SEM1: variants seen among roughly 807,000 people sequenced by gnomAD.
SEM1 encodes the protein 26S proteasome complex subunit SEM1.
Under a neutral mutation model 12.7 loss-of-function variants are expected in SEM1, and 3 were observed. The ratio of observed to expected loss-of-function variants is 0.24; its 90% confidence interval spans 0.11 to 0.61. The LOEUF (loss-of-function observed/expected upper bound fraction) is 0.61, where lower values mean the gene tolerates loss of function less well. Among genes scored for constraint, SEM1 ranks in the 20% least tolerant of loss-of-function variants. The probability of loss-of-function intolerance (pLI) is 0.88; values close to 1 mark genes in which losing one functional copy is unlikely to be tolerated. For synonymous variants in SEM1, 30 were observed against 27.8 expected (o/e 1.08, Z -0.25); for missense variants, 59 against 81.3 (o/e 0.73, Z 1.06).
chr7:96,642,673 A>G (rs1390773778), intron 2 of SEM1, among the ~76,000 whole-genome samples: 2 of 151,910 alleles, frequency 1.3e-5, no homozygotes, highest in East Asian at 3.9e-4. Flanking sequence ...ATCTACTTGT[A>G]TATCTGATCC....
chr7:96,707,578 T>A (rs557452415), intron 1 of SEM1, among the ~76,000 whole-genome samples: 1 of 152,358 alleles, frequency 6.6e-6, no homozygotes, highest in African/African-American at 2.4e-5. Context: ...GTCAATTACT[T>A]AATGTTAATA....
intron 2 of SEM1, among the ~76,000 whole-genome samples, chr7:96,613,712 C>T (rs1269779247): frequency 6.6e-6 from 1 of 152,188 alleles, no homozygotes; most frequent in African/African-American, 2.4e-5. Context: ...TCCACTCCCA[C>T]CCAGCCTCTG....
In SEM1 at chr7:96,588,351, CAA is replaced by C. The variant is rs1250880976; in HGVS notation, c.171-81655_171-81654del. Among the ~76,000 whole-genome samples, 9 of 41,952 alleles carry C rather than the reference CAA, an allele frequency of 2.1e-4. 1 individual carries two copies. In the East Asian group the frequency reaches 6.9e-3, roughly 32 times the overall value. 27.5% of individuals were successfully genotyped at this position (41,952 alleles called of 152,430 possible). A position where few individuals can be genotyped will look rare whatever the true frequency, so the allele number is the denominator to read the frequency against. Reference sequence around the variant, plus strand: ...AACAGAGCAAGATCATGTCTAAAAACAAACACACACACACACACACACACACA... The same window carrying C: ...AACAGAGCAAGATCATGTCTAAAAACACACACACACACACACACACACACA... On this transcript the variant is annotated intron_variant and NMD_transcript_variant, in intron 2 of 3. Transcript: ENST00000466986.
intron 2 of SEM1, among the ~76,000 whole-genome samples, chr7:96,563,355 GA>G (rs1563061985): frequency 6.6e-6 from 1 of 151,786 alleles, no homozygotes; most frequent in African/African-American, 2.4e-5. Context: ...AGGTTTGGGG[GA>G]AAAAAAGGAG....
intron 2 of SEM1, among the ~76,000 whole-genome samples, chr7:96,561,990 C>T (rs1805702778): frequency 6.6e-6 from 1 of 152,188 alleles, no homozygotes; most frequent in South Asian, 2.1e-4. Flanking sequence ...AACTGTAGCA[C>T]AGAATAAGGA....
Position 96,661,909 on chromosome 7 carries a change from A to T in SEM1, c.170+32889T>A, listed in dbSNP as rs181930816. Among the ~76,000 whole-genome samples the T allele has an allele frequency of 7.9e-4, 117 of 148,408 alleles. 2 individuals are homozygous for T. In the East Asian group the frequency reaches 0.023, roughly 29 times the overall value. Reference sequence around the variant, plus strand: ...AGGCTGAGGCAGGAGAATGGCTTGAACCCGGGAGGTAGAGGTTGTGGTGAG... The same window carrying T: ...AGGCTGAGGCAGGAGAATGGCTTGATCCCGGGAGGTAGAGGTTGTGGTGAG... On this transcript the variant is annotated intron_variant, in intron 2 of 2. Transcript: ENST00000417009.
rs532491570 is a variant in SEM1, at chr7:96,691,994, C to T, written c.170+2804G>A. Among the ~76,000 whole-genome samples the T allele has an allele frequency of 9.1e-4, 139 of 152,206 alleles. 1 individual carries two copies. In the South Asian group the frequency reaches 0.018, roughly 19 times the overall value. On this transcript the variant is annotated intron_variant, in intron 2 of 2. Coordinates refer to ENST00000248566, the MANE Select transcript of SEM1 (RefSeq NM_006304.2). ...TAATGGAGGCATCAAGATTTATATA[C>T]CTCAGGCAAAAAACAACAACAGTGA... is the stretch of plus-strand genomic sequence containing the variant.
chr7:96,652,707 A>C (rs569244710), intron 2 of SEM1, among the ~76,000 whole-genome samples: 1 of 152,334 alleles, frequency 6.6e-6, no homozygotes, highest in Admixed American at 6.5e-5. Flanking sequence ...CAAAGAATGA[A>C]GTACAGTTTT....
At chr7:96,503,702 G>A (rs924852898) in intron 3 of SEM1, among the ~76,000 whole-genome samples, 2 of 152,090 alleles carry the variant, frequency 1.3e-5, no homozygotes, top group African/African-American at 4.8e-5. Context: ...TGAAGCATTA[G>A]AAAATTCCAG....
At chr7:96,646,668 G>A (rs909532623) in intron 2 of SEM1, among the ~76,000 whole-genome samples, 11 of 151,982 alleles carry the variant, frequency 7.2e-5, no homozygotes, top group African/African-American at 1.9e-4. Flanking sequence ...TCCCACCTCC[G>A]ACTGCCATCC....
At chr7:96,585,631 T>G (rs1323417905) in intron 2 of SEM1, among the ~76,000 whole-genome samples, 2 of 152,240 alleles carry the variant, frequency 1.3e-5, no homozygotes, top group Non-Finnish European at 2.9e-5. Context: ...TACATGGGCT[T>G]AGGACCCTCC....
At chr7:96,643,198 C>T (rs1391878216) in intron 2 of SEM1, among the ~76,000 whole-genome samples, 1 of 152,008 alleles carries the variant, frequency 6.6e-6, no homozygotes, top group Non-Finnish European at 1.5e-5. Context: ...TGAGAACGTG[C>T]AGTATTTGGT....
intron 2 of SEM1, among the ~76,000 whole-genome samples, chr7:96,607,231 A>C (rs981117978): frequency 6.6e-6 from 1 of 152,212 alleles, no homozygotes; most frequent in Non-Finnish European, 1.5e-5. Flanking sequence ...TCAATAACAA[A>C]TAAACAAATA....
At position 96,682,848 on chromosome 7, in the gene SEM1, C is replaced by T. The variant is rs749690528; in HGVS notation, c.171-8989G>A. On this transcript the variant is annotated intron_variant, in intron 2 of 2. Coordinates refer to the SEM1 transcript ENST00000413065. ...ATCCAGACTCTACAAAGAACTTAAA[C>T]AAATTTACAAGAAAAAAACAAACAG... Among the ~76,000 whole-genome samples, 3 of 151,920 alleles carry T rather than the reference C, an allele frequency of 2.0e-5. No homozygotes were observed. In the South Asian group the frequency reaches 6.2e-4, roughly 32 times the overall value.
At chr7:96,644,702 T>A (rs1044198029) in intron 2 of SEM1, among the ~76,000 whole-genome samples, 1 of 152,154 alleles carries the variant, frequency 6.6e-6, no homozygotes, top group African/African-American at 2.4e-5. Flanking sequence ...CAGTGTGACG[T>A]GGAGCACTCA....
At chr7:96,507,573 T>C (rs1189334749) in intron 2 of SEM1, among the ~76,000 whole-genome samples, 1 of 152,098 alleles carries the variant, frequency 6.6e-6, no homozygotes. Flanking sequence ...GCTGGACCTC[T>C]TCAGTGATGC....
At chr7:96,496,333 T>G in exon 1 of SEM1, 1 of 1,480,620 alleles carries the variant, frequency 6.8e-7, no homozygotes, top group Non-Finnish European at 9.1e-7. Flanking sequence ...ATCTGATGTA[T>G]TTGTTTCTCT....
At chr7:96,555,337 A>T (rs1340731878) in intron 2 of SEM1, among the ~76,000 whole-genome samples, 1 of 150,596 alleles carries the variant, frequency 6.6e-6, no homozygotes, top group African/African-American at 2.4e-5. Context: ...TAGTGCTGTA[A>T]ATTTCCCTCT....
intron 2 of SEM1, 82 bp downstream of exon 2, chr7:96,694,716 G>A: frequency 1.1e-6 from 1 of 891,738 alleles, no homozygotes; most frequent in Admixed American, 2.0e-5. Flanking sequence ...TAGCTTTTAA[G>A]AGGTTAATCA....
Sources: gnomAD v4.1 joint callset for allele counts (sites outside exome capture counted in the v4.1 genomes callset) on GRCh38, gnomAD v4.1.1 for gene constraint, MANE v1.5 for transcripts, NCBI Gene and HGNC (gene_info 2026-07-23, HGNC 2026-07-21) for gene names.